CCDC88C: variants seen among roughly 807,000 people sequenced by gnomAD.
CCDC88C encodes the protein protein Daple.
A neutral mutation model predicts 198.8 loss-of-function variants in CCDC88C; 131 were observed. That is an observed-to-expected ratio of 0.66 (90% CI 0.57 to 0.76). The LOEUF (loss-of-function observed/expected upper bound fraction) is 0.76, where lower values mean the gene tolerates loss of function less well. Among genes scored for constraint, CCDC88C ranks in the 30% least tolerant of loss-of-function variants. The pLI is 0.00. For synonymous variants in CCDC88C, 1,166 were observed against 1,114.7 expected (o/e 1.05, Z -0.92); for missense variants, 2,553 against 2,631.6 (o/e 0.97, Z 0.65).
At chr14:91,324,691 C>T in intron 12 of CCDC88C, 88 bp downstream of exon 12, 3 of 1,483,376 alleles carry the variant, frequency 2.0e-6, no homozygotes, top group Non-Finnish European at 1.8e-6. Context: ...GATGGGCTAA[C>T]ATGGCAGATT....
chr14:91,273,742 C>T lies in CCDC88C; in HGVS notation c.5059-89G>A. ...TCCTGCGCGGGACGCCCCCGAGCAG[C>T]CCACGTGGCTGGGACCGCAGTTCCT... On this transcript the variant is annotated intron_variant, in intron 29 of 29. Transcript: ENST00000389857. The surrounding 1 kb of genome is among the most constrained non-coding windows in gnomAD (Gnocchi z 5.6). 1 of 1,184,688 alleles carries T rather than the reference C, an allele frequency of 8.4e-7. No homozygotes were observed. The highest frequency in any genetic ancestry group is 2.7e-5 in the South Asian group (1 of 37,064). The allele number at this position is 1,184,688 out of a possible 1,614,324, so 73.4% of individuals were successfully genotyped here. A position where few individuals can be genotyped will look rare whatever the true frequency, so the allele number is the denominator to read the frequency against.
chr14:91,278,889 CTTTT>C (rs10671669), intron 28 of CCDC88C, among the ~76,000 whole-genome samples: 39 of 54,496 alleles, frequency 7.2e-4, no homozygotes, highest in African/African-American at 2.5e-3. Flanking sequence ...ACCAAATACA[CTTTT>C]TTTTTTTTTT....
At position 91,319,766 on chromosome 14, in the gene CCDC88C, T is replaced by A. The variant is rs183747505; in HGVS notation, c.1527+1354A>T. On this transcript the variant is annotated intron_variant, in intron 13 of 29. Coordinates refer to ENST00000389857, the MANE Select transcript of CCDC88C (RefSeq NM_001080414.4). ...TGGGGCCGGGCATGGTGGCTCATGC[T>A]GGTAATCCCAGCATTTTGGGAGGCC... 2.4e-3 allele frequency among the ~76,000 whole-genome samples: 370 copies of A among 152,180 alleles called. 2 individuals are homozygous for A. The highest frequency in any genetic ancestry group is 8.6e-3 in the African/African-American group (358 of 41,540).
At position 91,324,931 on chromosome 14, in the gene CCDC88C, A is replaced by G. The variant is rs757119062; in HGVS notation, c.1198-8T>C. On this transcript the variant is annotated splice_polypyrimidine_tract_variant and splice_region_variant and intron_variant, in intron 11 of 29. Coordinates refer to ENST00000389857, the MANE Select transcript of CCDC88C (RefSeq NM_001080414.4). ...CTTATCTGTGTCCCGGTCCTGGGGC[A>G]AGCAAGAAGAGGCAAGAAGTGAGGC... 3 of 1,613,352 alleles carry G rather than the reference A, an allele frequency of 1.9e-6. No individual in the cohort carries two copies. The South Asian group carries it at 3.3e-5, about 18-fold the overall frequency.
Position 91,305,789 on chromosome 14 carries a change from C to T in CCDC88C, c.3333G>A (p.Leu1111=). 1 of 1,610,964 alleles carries T rather than the reference C, an allele frequency of 6.2e-7. No individual in the cohort carries two copies. The highest frequency in any genetic ancestry group is 8.5e-7 in the Non-Finnish European group (1 of 1,177,316). ...CCTGCAGCTTGGCGGTCTGGGTCTG[C>T]AGTGTGGTGTTGTGCTCCTGCAGGA... is the stretch of plus-strand genomic sequence containing the variant. ...SAFLQEHNTT[L]QTQTAKLQVE... is the part of the protein sequence containing the mutation. Residue 1111 remains leucine, a synonymous_variant, in exon 19 of 30, where the codon CTG becomes CTA. Transcript: ENST00000389857.
intron 13 of CCDC88C, among the ~76,000 whole-genome samples, chr14:91,316,085 C>G (rs868602170): frequency 2.6e-5 from 4 of 152,360 alleles, no homozygotes; most frequent in Middle Eastern, 3.4e-3. Flanking sequence ...TTCACACGCA[C>G]CCAGCTTCCT....
intron 4 of CCDC88C, among the ~76,000 whole-genome samples, chr14:91,353,858 T>G (rs1174941404): frequency 2.6e-5 from 4 of 152,218 alleles, no homozygotes; most frequent in Non-Finnish European, 5.9e-5. Flanking sequence ...GACAGGACCC[T>G]GTAGGGTGTG....
At chr14:91,290,916 G>A (rs1890634054) in intron 24 of CCDC88C, 79 bp downstream of exon 24, 1 of 847,624 alleles carries the variant, frequency 1.2e-6, no homozygotes. Flanking sequence ...GCCTGCCCTA[G>A]ATGGCTGCTT....
intron 3 of CCDC88C, among the ~76,000 whole-genome samples, chr14:91,380,643 A>AT (rs2139950756): frequency 6.6e-6 from 1 of 152,238 alleles, no homozygotes; most frequent in East Asian, 1.9e-4. Flanking sequence ...CCTCTAAAGA[A>AT]TATTGGCGTT....
intron 2 of CCDC88C, among the ~76,000 whole-genome samples, chr14:91,416,357 G>T: frequency 6.6e-6 from 1 of 152,082 alleles, no homozygotes; most frequent in South Asian, 2.1e-4. Context: ...GGATGCCTGG[G>T]CCCACCCCGA....
intron 18 of CCDC88C, 131 bp from the exon 19 acceptor site, chr14:91,306,057 G>A (rs1007485889): frequency 9.9e-6 from 8 of 805,170 alleles, no homozygotes; most frequent in African/African-American, 1.7e-5. Context: ...CGCTGGATGA[G>A]GTCAGTATAT....
chr14:91,300,811 C>T (rs1891241862), intron 20 of CCDC88C, among the ~76,000 whole-genome samples: 1 of 152,224 alleles, frequency 6.6e-6, no homozygotes, highest in Non-Finnish European at 1.5e-5. Context: ...GGCCCCTCCC[C>T]TTCCCAGCCT....
At position 91,352,882 on chromosome 14, in the gene CCDC88C, G is replaced by A. The variant is rs888715661; in HGVS notation, c.340+6760C>T. Among the ~76,000 whole-genome samples the A allele has an allele frequency of 3.3e-5, 5 of 152,188 alleles. No individual in the cohort carries two copies. The highest frequency in any genetic ancestry group is 5.9e-5 in the Non-Finnish European group (4 of 68,030). Reference sequence around the variant, plus strand: ...TAAAAGCACCATCTCTGCAGCAGGAGGACTGTTCCTCACAAGCCGGACTCT... The same window carrying A: ...TAAAAGCACCATCTCTGCAGCAGGAAGACTGTTCCTCACAAGCCGGACTCT... On this transcript the variant is annotated intron_variant, in intron 4 of 29. Transcript: ENST00000389857. This position sits in a 1 kb window ranked among gnomAD's most constrained non-coding sequence, Gnocchi z 4.2.
intron 3 of CCDC88C, among the ~76,000 whole-genome samples, chr14:91,396,630 T>C (rs1337870756): frequency 6.6e-6 from 1 of 152,176 alleles, no homozygotes; most frequent in African/African-American, 2.4e-5. Flanking sequence ...AGCCATAATT[T>C]TTCCGGAAGC....
intron 3 of CCDC88C, among the ~76,000 whole-genome samples, chr14:91,400,916 A>T (rs769987526): frequency 6.6e-6 from 1 of 152,232 alleles, no homozygotes; most frequent in Non-Finnish European, 1.5e-5. Context: ...TGACTTATGT[A>T]CCAAGTATGT....
chr14:91,417,600 A>G, intron 1 of CCDC88C, 31 bp downstream of exon 1: 1 of 1,572,918 alleles, frequency 6.4e-7, no homozygotes. Flanking sequence ...CCGGTGCACC[A>G]ACAAAGGGGC....
chr14:91,313,955 C>G lies in CCDC88C; in HGVS notation c.1861G>C (p.Glu621Gln). The G allele has an allele frequency of 1.2e-6, 2 of 1,613,688 alleles. No individual in the cohort carries two copies. The highest frequency in any genetic ancestry group is 1.7e-6 in the Non-Finnish European group (2 of 1,179,870). ...FEKRQLHRDL[E>Q]QAKEKGERAE... is the part of the protein sequence containing the mutation. Reference sequence around the variant, plus strand: ...CGCTCCCCCTTCTCCTTGGCCTGCTCCAAGTCCCTGTGCAGCTGCCGCTTC... The same window carrying G: ...CGCTCCCCCTTCTCCTTGGCCTGCTGCAAGTCCCTGTGCAGCTGCCGCTTC... Residue 621 changes from glutamate (E) to glutamine (Q), a missense_variant, in exon 15 of 30, where the codon GAG becomes CAG. Around this residue, in one of 2 missense-constraint regions of CCDC88C, gnomAD observed 1,260 missense variants for 1,412.0 expected, o/e 0.89. Coordinates refer to ENST00000389857, the MANE Select transcript of CCDC88C (RefSeq NM_001080414.4). The surrounding 1 kb of genome is among the most constrained non-coding windows in gnomAD (Gnocchi z 5.2).
intron 25 of CCDC88C, among the ~76,000 whole-genome samples, chr14:91,287,636 CTTTTTTTTTTT>C (rs71120129): frequency 1.1e-4 from 8 of 75,656 alleles, no homozygotes; most frequent in East Asian, 4.0e-4. Flanking sequence ...TGCACCAGGT[CTTTTTTTTTTT>C]TTTTTTTTTT....
chr14:91,368,456 T>A (rs1424292903), intron 3 of CCDC88C, among the ~76,000 whole-genome samples: 1 of 152,240 alleles, frequency 6.6e-6, no homozygotes, highest in Non-Finnish European at 1.5e-5. Flanking sequence ...GAATATACCA[T>A]GCTTTCCAAC....
Sources: allele counts gnomAD v4.1 joint callset (sites outside exome capture counted in the v4.1 genomes callset), GRCh38; gene constraint gnomAD v4.1.1; regional missense constraint gnomAD v4.1.1; non-coding constraint Gnocchi (gnomAD v3.1); transcripts MANE v1.5; gene names NCBI Gene and HGNC (gene_info 2026-07-23, HGNC 2026-07-21).